REV3L: variants seen among roughly 807,000 people sequenced by gnomAD.
REV3L encodes REV3 like, DNA directed polymerase zeta catalytic subunit.
Under a neutral mutation model 299.4 loss-of-function variants are expected in REV3L, and 69 were observed. That is an observed-to-expected ratio of 0.23 (90% CI 0.19 to 0.28). REV3L has a LOEUF of 0.28. REV3L is among the 10% of genes least tolerant of loss of function. The probability of loss-of-function intolerance (pLI) is 1.00; values close to 1 mark genes in which losing one functional copy is unlikely to be tolerated. For missense variants in REV3L, 3,128 were observed against 3,693.8 expected, an observed-to-expected ratio of 0.85 and a Z score of 3.97; for synonymous variants, 1,238 against 1,271.4, an observed-to-expected ratio of 0.97 and a Z score of 0.56.
chr6:111,325,924 C>T (rs1054551426), intron 25 of REV3L, among the ~76,000 whole-genome samples: 1 of 152,176 alleles, frequency 6.6e-6, no homozygotes, highest in Admixed American at 6.5e-5. Flanking sequence ...ATCTCCCTCC[C>T]TCCCCACCTC....
At chr6:111,427,938 G>A (rs984997904) in intron 1 of REV3L, among the ~76,000 whole-genome samples, 5 of 151,658 alleles carry the variant, frequency 3.3e-5, no homozygotes, top group African/African-American at 1.2e-4. Flanking sequence ...CTGTTAAGAG[G>A]TTCATTTCAC....
rs1582506466 is a variant in REV3L, at chr6:111,322,427, ACT to A, written c.8351+140_8351+141del. ...ATCTGGTAAATCAGGATCTGTGTTA[ACT>A]CTGATCATGAGATCGTAAGGACTGG... is the stretch of plus-strand genomic sequence containing the variant. On this transcript the variant is annotated intron_variant, in intron 26 of 31. Transcript: ENST00000368802. 3 of 655,904 alleles carry A rather than the reference ACT, an allele frequency of 4.6e-6. No individual in the cohort carries two copies. The East Asian group carries it at 7.8e-5, about 17-fold the overall frequency. The allele number at this position is 655,904 out of a possible 1,614,324, so 40.6% of individuals were successfully genotyped here.
intron 29 of REV3L, 34 bp downstream of exon 29, chr6:111,311,035 G>T: frequency 6.5e-7 from 1 of 1,547,428 alleles, no homozygotes; most frequent in Non-Finnish European, 8.8e-7. Flanking sequence ...AGAATCTCAG[G>T]ACTATCCTGG....
intron 31 of REV3L, among the ~76,000 whole-genome samples, chr6:111,301,345 G>T (rs1771499971): frequency 6.6e-6 from 1 of 152,010 alleles, no homozygotes; most frequent in Non-Finnish European, 1.5e-5. Flanking sequence ...CTTTGCTGTT[G>T]TGATATTTTA....
chr6:111,338,312 C>CT lies in REV3L; in HGVS notation c.7539-2703dup, dbSNP rs144497761. Among the ~76,000 whole-genome samples the CT allele has an allele frequency of 6.3e-4, 30 of 47,934 alleles. 1 individual carries two copies. The highest frequency in any genetic ancestry group is 3.6e-3 in the East Asian group (3 of 832). The allele number at this position is 47,934 out of a possible 152,430, so 31.4% of individuals were successfully genotyped here. A position where few individuals can be genotyped will look rare whatever the true frequency, so the allele number is the denominator to read the frequency against. On this transcript the variant is annotated intron_variant, in intron 21 of 31. Transcript: ENST00000368802. ...TCTTTGTTTACTCCAGTCTAAAGTC[C>CT]TTTTTTTTTTTTTTTTTTTTTTTTT... is the stretch of plus-strand genomic sequence containing the variant.
At chr6:111,421,787 A>G (rs186666030) in intron 1 of REV3L, among the ~76,000 whole-genome samples, 3 of 152,226 alleles carry the variant, frequency 2.0e-5, no homozygotes, top group Admixed American at 1.3e-4. Context: ...AAACAGAAAA[A>G]CTTGGTATGT....
chr6:111,438,830 A>G (rs2128305979), intron 1 of REV3L, among the ~76,000 whole-genome samples: 2 of 152,298 alleles, frequency 1.3e-5, no homozygotes, highest in African/African-American at 2.4e-5. Context: ...ATAAAAATCC[A>G]AAGTCCAAAG....
intron 31 of REV3L, among the ~76,000 whole-genome samples, chr6:111,300,645 T>G (rs1420905423): frequency 6.6e-6 from 1 of 152,224 alleles, no homozygotes; most frequent in Non-Finnish European, 1.5e-5. Flanking sequence ...AATTAATACT[T>G]TCATAATTTC....
chr6:111,316,998 T>G (rs1241793740), intron 26 of REV3L, among the ~76,000 whole-genome samples: 1 of 152,214 alleles, frequency 6.6e-6, no homozygotes, highest in African/African-American at 2.4e-5. Flanking sequence ...TTCTACAACC[T>G]GACCACCAAC....
chr6:111,358,463 GAATA>G (rs1778319548), intron 17 of REV3L, among the ~76,000 whole-genome samples: 1 of 152,024 alleles, frequency 6.6e-6, no homozygotes, highest in South Asian at 2.1e-4. Context: ...CTTAAAAAAT[GAATA>G]AATAAATGGG....
chr6:111,322,741 T>A, intron 25 of REV3L, 63 bp from the exon 26 acceptor site: 1 of 1,110,902 alleles, frequency 9.0e-7, no homozygotes, highest in Non-Finnish European at 1.4e-6. Context: ...TAACAGACTT[T>A]AACATATAAT....
chr6:111,377,568 T>C, intron 12 of REV3L, 133 bp downstream of exon 12: 1 of 899,934 alleles, frequency 1.1e-6, no homozygotes, highest in Non-Finnish European at 1.6e-6. Context: ...AACTCCTGAA[T>C]TCAAGTGATC....
chr6:111,407,397 C>G (rs1253423736), intron 3 of REV3L, among the ~76,000 whole-genome samples: 3 of 152,034 alleles, frequency 2.0e-5, no homozygotes, highest in Non-Finnish European at 4.4e-5. Context: ...AAGAAACAAC[C>G]ATAGATGTTA....
In REV3L at chr6:111,365,308, C is replaced by A; in HGVS notation, c.6710G>T (p.Ser2237Ile). 1 of 1,574,440 alleles carries A rather than the reference C, an allele frequency of 6.4e-7. No homozygotes were observed. Residue 2237 changes from serine (S) to isoleucine (I), a missense_variant, in exon 15 of 32, where the codon AGT (serine) becomes ATT (isoleucine). Transcript: ENST00000368802. ...TACTCTTCTAAGAGTGTCAGTATTA[C>A]TTCCTTTCTTATTACTCAACTTCTG... Reference protein sequence around the residue: ...KTQKLSNKKGSNTDTLRRVLL... With the variant: ...KTQKLSNKKGINTDTLRRVLL...
intron 1 of REV3L, among the ~76,000 whole-genome samples, chr6:111,427,253 A>G (rs530066775): frequency 1.3e-5 from 2 of 152,354 alleles, no homozygotes; most frequent in Admixed American, 1.3e-4. Context: ...GTAGCTGAAT[A>G]CTAAAGGACC....
chr6:111,318,727 C>T (rs937904781), intron 26 of REV3L, among the ~76,000 whole-genome samples: 9 of 151,946 alleles, frequency 5.9e-5, no homozygotes, highest in African/African-American at 1.5e-4. Context: ...TGCACGACCA[C>T]GCCCGGCTAA....
intron 2 of REV3L, among the ~76,000 whole-genome samples, chr6:111,413,141 C>T (rs533295668): frequency 1.7e-3 from 263 of 152,240 alleles, no homozygotes; most frequent in Non-Finnish European, 2.7e-3. Flanking sequence ...ATATCATTCT[C>T]TCTCATTGGC....
At chr6:111,453,626 A>T (rs1289231704) in intron 1 of REV3L, among the ~76,000 whole-genome samples, 1 of 152,206 alleles carries the variant, frequency 6.6e-6, no homozygotes, top group Admixed American at 6.5e-5. Flanking sequence ...CACTTTAGTT[A>T]TTAATTTTAG....
intron 20 of REV3L, among the ~76,000 whole-genome samples, chr6:111,346,322 T>C (rs893338641): frequency 6.6e-6 from 1 of 152,210 alleles, no homozygotes; most frequent in African/African-American, 2.4e-5. Context: ...TTTATTGTCA[T>C]TTAAGCAGTC....
Sources: gnomAD v4.1 joint callset for allele counts (sites outside exome capture counted in the v4.1 genomes callset) on GRCh38, gnomAD v4.1.1 for gene constraint, MANE v1.5 for transcripts, NCBI Gene and HGNC (gene_info 2026-07-23, HGNC 2026-07-21) for gene names.